The following CTC1 variants were observed in gnomAD, a reference collection of about 807,000 sequenced individuals.
CTC1 encodes CST telomere replication complex component 1.
CTC1 carries 91 observed loss-of-function variants against 136.3 expected under a neutral mutation model. The ratio of observed to expected loss-of-function variants is 0.67; its 90% CI spans 0.56 to 0.79. The LOEUF is 0.79. Among genes scored for constraint, CTC1 ranks in the 30% least tolerant of loss-of-function variants. The pLI is 0.00. For missense variants in CTC1, 1,432 were observed against 1,498.1 expected, an observed-to-expected ratio of 0.96 and a Z score of 0.73; for synonymous variants, 606 against 613.8, an observed-to-expected ratio of 0.99 and a Z score of 0.19.
intron 2 of CTC1, among the ~76,000 whole-genome samples, chr17:8,240,132 A>G (rs920067813): frequency 6.6e-6 from 1 of 151,762 alleles, no homozygotes; most frequent in Non-Finnish European, 1.5e-5. Flanking sequence ...AGGCCCAGGA[A>G]AAAGCAACCA....
chr17:8,231,507 T>C, intron 14 of CTC1, 38 bp from the exon 15 acceptor site: 1 of 1,554,702 alleles, frequency 6.4e-7, no homozygotes, highest in Non-Finnish European at 8.7e-7. Flanking sequence ...TGTGAGTGTG[T>C]GCTAGTCCAG....
chr17:8,242,469 G>GA (rs1381282550), intron 2 of CTC1, among the ~76,000 whole-genome samples: 2 of 144,346 alleles, frequency 1.4e-5, no homozygotes, highest in Non-Finnish European at 3.0e-5. Context: ...ACTTAGCTAT[G>GA]AACCCCTTTT....
rs1988881006 is a variant in CTC1, at chr17:8,247,779, A to G, written c.33+225T>C. The G allele has an allele frequency of 4.3e-5, 25 of 581,556 alleles. No homozygotes were observed. The South Asian group carries it at 4.9e-4, about 11-fold the overall frequency. The allele number at this position is 581,556 out of a possible 1,614,324, so 36.0% of individuals were successfully genotyped here. Reference sequence around the variant, plus strand: ...TTCCCACCAGGATTAAACCCTAGAGAGTGAACGGAGACCAGTTTAAGGCTC... The same window carrying G: ...TTCCCACCAGGATTAAACCCTAGAGGGTGAACGGAGACCAGTTTAAGGCTC... On this transcript the variant is annotated intron_variant, in intron 1 of 22. Transcript: ENST00000651323.
chr17:8,230,438 T>G lies in CTC1; in HGVS notation c.2789A>C (p.Lys930Thr). ...GNTGAMRRCVKLTVALETAEC... is the reference protein window; with the variant it reads ...GNTGAMRRCVTLTVALETAEC... ...AGCAGTCTCAAGAGCGACTGTTAGC[T>G]TCACACACCTTCTCATGGCCCCCGT... Residue 930 changes from lysine to threonine, a missense_variant, in exon 17 of 23, where the codon AAG (lysine) becomes ACG (threonine). By Grantham distance (78) the Lys-to-Thr change is moderately conservative. Coordinates refer to ENST00000651323, the MANE Select transcript of CTC1 (RefSeq NM_025099.6). The G allele has an allele frequency of 6.2e-7, 1 of 1,614,078 alleles. No homozygotes were observed. Among genetic ancestry groups the G allele is most frequent in the Non-Finnish European group, 8.5e-7 (1 of 1,179,968 alleles).
At position 8,226,945 on chromosome 17, in the gene CTC1, A is replaced by C. The variant is rs1361589825; in HGVS notation, c.*1235T>G. 1 of 152,278 alleles carries C rather than the reference A, an allele frequency of 6.6e-6. No homozygotes were observed. The highest frequency in any genetic ancestry group is 1.9e-4 in the East Asian group (1 of 5,198). The allele number at this position is 152,278 out of a possible 1,614,324, so 9.4% of individuals were successfully genotyped here. ...CTCCGGGTAGAAACTTCCGGATAACAGCAGAGGGTCAGAAAACAAAACACA... is the reference window on the plus strand; with the variant it reads ...CTCCGGGTAGAAACTTCCGGATAACCGCAGAGGGTCAGAAAACAAAACACA... On this transcript the variant is annotated 3_prime_UTR_variant, in exon 23 of 23. Coordinates refer to ENST00000651323, the MANE Select transcript of CTC1 (RefSeq NM_025099.6).
intron 10 of CTC1, among the ~76,000 whole-genome samples, chr17:8,234,070 G>C (rs976031972): frequency 6.6e-6 from 1 of 152,016 alleles, no homozygotes; most frequent in African/African-American, 2.4e-5. Context: ...CTATACTCTT[G>C]ATCTCTCAGG....
At chr17:8,230,067 C>A (rs972666575) in intron 17 of CTC1, 99 bp from the exon 18 acceptor site, 2 of 1,179,892 alleles carry the variant, frequency 1.7e-6, no homozygotes, top group South Asian at 1.3e-5. Context: ...GGCCACTCCC[C>A]CTGAGGGACA....
intron 1 of CTC1, among the ~76,000 whole-genome samples, chr17:8,246,348 T>C (rs1040730553): frequency 6.6e-6 from 1 of 152,164 alleles, no homozygotes; most frequent in Non-Finnish European, 1.5e-5. Context: ...ATGATGATTG[T>C]TCCTGTATGT....
In CTC1 at chr17:8,228,902, G is replaced by C. The variant is rs749072233; in HGVS notation, c.3222-10C>G. The C allele has an allele frequency of 3.6e-5, 57 of 1,599,272 alleles. No individual in the cohort carries two copies. The highest frequency in any genetic ancestry group is 4.6e-5 in the Non-Finnish European group (54 of 1,175,250). ...ATCCTCCACCAGGAGCCTATGGGGA[G>C]CAGGAGGAAATAAAAACGCCTATAG... On this transcript the variant is annotated splice_polypyrimidine_tract_variant and intron_variant, in intron 20 of 22. Transcript: ENST00000651323.
intron 16 of CTC1, 25 bp downstream of exon 16, chr17:8,230,538 T>G: frequency 1.2e-6 from 2 of 1,613,706 alleles, no homozygotes; most frequent in Non-Finnish European, 1.7e-6. Flanking sequence ...ATTTCATACC[T>G]TCCCCACAAA....
intron 2 of CTC1, among the ~76,000 whole-genome samples, chr17:8,239,228 G>C (rs1015059904): frequency 2.6e-5 from 4 of 152,150 alleles, no homozygotes; most frequent in Non-Finnish European, 5.9e-5. Flanking sequence ...AGGGGCCTGA[G>C]GAAATGAATG....
Position 8,231,935 on chromosome 17 carries a change from C to T in CTC1, c.2353G>A (p.Glu785Lys), listed in dbSNP as rs201561504. Residue 785 changes from glutamate (E) to lysine (K), a missense_variant, in exon 13 of 23, where the codon GAG (glutamate) becomes AAG (lysine). Physicochemically the swap from Glu to Lys is moderately conservative, Grantham distance 56 (BLOSUM62 1). Transcript: ENST00000651323. ...TCATTGTCGTCATTTCCCTGGGGCT[C>T]GGGCAGCCCCCATCCAGTACCCTCC... The part of the protein sequence containing the change: ...RKEGTGWGLP[E>K]PQGNDDNDQK... The T allele has an allele frequency of 9.7e-4, 1,563 of 1,613,042 alleles. 26 individuals are homozygous for T. In the South Asian group the frequency reaches 0.016, roughly 17 times the overall value.
At chr17:8,234,385 G>T in intron 10 of CTC1, 70 bp downstream of exon 10, 1 of 1,407,404 alleles carries the variant, frequency 7.1e-7, no homozygotes, top group Non-Finnish European at 9.8e-7. Context: ...GATAGTAACC[G>T]AGACTAGAGT....
rs777408262 is a variant in CTC1 at position 8,231,395 on chromosome 17, G to A, written c.2550C>T (p.Ser850=). ...RRPLELAGCA[S]CLTVQDNWTL... The stretch of plus-strand genomic sequence containing the variant: ...TCCAGTTGTCCTGGACAGTGAGGCA[G>A]GATGCACAGCCAGCCAACTCCAGAG... Residue 850 remains serine, a synonymous_variant, in exon 15 of 23, where the codon TCC becomes TCT. Coordinates refer to ENST00000651323, the MANE Select transcript of CTC1 (RefSeq NM_025099.6). The A allele has an allele frequency of 1.4e-5, 22 of 1,613,686 alleles. No homozygotes were observed. Among genetic ancestry groups the A allele is most frequent in the African/African-American group, 1.3e-5 (1 of 74,926 alleles).
chr17:8,235,758 G>A (rs1987658657), intron 7 of CTC1, 73 bp downstream of exon 7: 3 of 1,476,122 alleles, frequency 2.0e-6, no homozygotes, highest in Non-Finnish European at 2.7e-6. Context: ...CCACCCTGCT[G>A]CAGAAAAGGA....
chr17:8,238,116 C>G lies in CTC1; in HGVS notation c.562G>C (p.Val188Leu), dbSNP rs769331687. The change falls in exon 4 of 23, where the codon GTG (valine) becomes CTG (leucine). Residue 188 changes from valine (V) to leucine (L), a missense_variant. Transcript: ENST00000651323. The part of the protein sequence containing the change: ...HLELWDAPVP[V>L]FPLTISPGPV... ...CCAGGACTGATGGTCAAAGGAAACA[C>G]TGGCACAGGGGCATCCCACAGCTCC... The G allele has an allele frequency of 6.2e-7, 1 of 1,614,168 alleles. No individual in the cohort carries two copies. Among genetic ancestry groups the G allele is most frequent in the East Asian group, 2.2e-5 (1 of 44,886 alleles).
chr17:8,240,323 T>A (rs963850677), intron 2 of CTC1, among the ~76,000 whole-genome samples: 2 of 151,316 alleles, frequency 1.3e-5, no homozygotes, highest in African/African-American at 2.4e-5. Flanking sequence ...CCTGGCTAAT[T>A]TTTTGTATTT....
chr17:8,243,716 CA>C (rs1410196783), intron 1 of CTC1, among the ~76,000 whole-genome samples: 1 of 152,140 alleles, frequency 6.6e-6, no homozygotes, highest in African/African-American at 2.4e-5. Flanking sequence ...GTTCTAAAGT[CA>C]GTACGTTGAA....
At chr17:8,242,468 T>C (rs183880361) in intron 2 of CTC1, among the ~76,000 whole-genome samples, 3 of 149,226 alleles carry the variant, frequency 2.0e-5, no homozygotes, top group African/African-American at 7.4e-5. Context: ...TACTTAGCTA[T>C]GAACCCCTTT....
Sources: gnomAD v4.1 joint callset for allele counts (sites outside exome capture counted in the v4.1 genomes callset) on GRCh38, gnomAD v4.1.1 for gene constraint, MANE v1.5 for transcripts, NCBI Gene and HGNC (gene_info 2026-07-23, HGNC 2026-07-21) for gene names.